APBA1: variants seen among roughly 807,000 people sequenced by gnomAD.
APBA1 encodes amyloid beta precursor protein binding family A member 1, also known as amyloid-beta A4 precursor protein-binding family A member 1.
A neutral mutation model predicts 86.6 loss-of-function variants in APBA1; 55 were observed. The ratio of observed to expected loss-of-function variants is 0.64; its 90% CI spans 0.51 to 0.80. APBA1 has a LOEUF of 0.80. Among genes scored for constraint, APBA1 ranks in the 30% least tolerant of loss-of-function variants. The pLI is 0.00. For synonymous variants in APBA1, 511 were observed against 493.9 expected (o/e 1.03, Z -0.46); for missense variants, 1,090 against 1,183.0 (o/e 0.92, Z 1.15).
At chr9:69,545,538 A>T (rs1250857134) in intron 1 of APBA1, among the ~76,000 whole-genome samples, 1 of 152,230 alleles carries the variant, frequency 6.6e-6, no homozygotes, top group East Asian at 1.9e-4. Context: ...ACACCTGCTA[A>T]CTCACGGAAG....
At chr9:69,635,627 A>G (rs1301707237) in intron 1 of APBA1, among the ~76,000 whole-genome samples, 2 of 152,174 alleles carry the variant, frequency 1.3e-5, no homozygotes, top group East Asian at 3.8e-4. Context: ...AAACACACAC[A>G]GACTGAAAAT....
chr9:69,566,520 C>T (rs1326320450), intron 1 of APBA1, among the ~76,000 whole-genome samples: 1 of 152,166 alleles, frequency 6.6e-6, no homozygotes, highest in African/African-American at 2.4e-5. Context: ...GATAGTGACT[C>T]TTACAAATAT....
intron 1 of APBA1, among the ~76,000 whole-genome samples, chr9:69,544,134 A>T (rs1289405316): frequency 1.3e-5 from 2 of 152,212 alleles, no homozygotes; most frequent in Non-Finnish European, 2.9e-5. Flanking sequence ...CTGAATTTAA[A>T]CTTTCCTTCC....
At chr9:69,662,227 C>T (rs1823767346) in intron 1 of APBA1, among the ~76,000 whole-genome samples, 1 of 152,112 alleles carries the variant, frequency 6.6e-6, no homozygotes, top group Non-Finnish European at 1.5e-5. Flanking sequence ...TGTTTTGTAG[C>T]CACTGAGGAA....
chr9:69,513,716 T>C (rs1399678457), intron 2 of APBA1, among the ~76,000 whole-genome samples: 2 of 152,220 alleles, frequency 1.3e-5, no homozygotes, highest in Non-Finnish European at 2.9e-5. Context: ...TTCCCTTCCC[T>C]ACTGGTTTCC....
intron 1 of APBA1, among the ~76,000 whole-genome samples, chr9:69,529,964 T>A (rs530053122): frequency 2.0e-5 from 3 of 151,924 alleles, no homozygotes; most frequent in Non-Finnish European, 4.4e-5. Flanking sequence ...TTAATCATCA[T>A]CTTATACCAA....
chr9:69,606,643 C>T (rs1822480688), intron 1 of APBA1, among the ~76,000 whole-genome samples: 1 of 151,906 alleles, frequency 6.6e-6, no homozygotes, highest in Admixed American at 6.6e-5. Flanking sequence ...AGGCGCCCAC[C>T]ACCACGCCCG....
chr9:69,491,737 CAT>C (rs1341533879), intron 2 of APBA1, among the ~76,000 whole-genome samples: 1 of 151,096 alleles, frequency 6.6e-6, no homozygotes, highest in Non-Finnish European at 1.5e-5. Context: ...CAGTTACATA[CAT>C]AGTTACATTT....
intron 1 of APBA1, among the ~76,000 whole-genome samples, chr9:69,612,852 C>T (rs1822616879): frequency 6.6e-6 from 1 of 151,830 alleles, no homozygotes; most frequent in Admixed American, 6.6e-5. Flanking sequence ...TAGAAATGAA[C>T]CAGTAAGCAG....
At chr9:69,557,074 T>G (rs1319527318) in intron 1 of APBA1, among the ~76,000 whole-genome samples, 2 of 152,174 alleles carry the variant, frequency 1.3e-5, no homozygotes, top group South Asian at 4.1e-4. Flanking sequence ...GATGAACAAA[T>G]TAGGAGGCTA....
At chr9:69,456,711 A>G (rs1835104150) in intron 7 of APBA1, among the ~76,000 whole-genome samples, 1 of 151,024 alleles carries the variant, frequency 6.6e-6, no homozygotes, top group African/African-American at 2.4e-5. Flanking sequence ...AAAAAAGACA[A>G]ATCAAAATGG....
intron 1 of APBA1, among the ~76,000 whole-genome samples, chr9:69,618,194 A>G (rs1822742882): frequency 6.6e-6 from 1 of 152,206 alleles, no homozygotes; most frequent in African/African-American, 2.4e-5. Flanking sequence ...AACACAGCTC[A>G]GGCACTCTGG....
intron 1 of APBA1, among the ~76,000 whole-genome samples, chr9:69,669,387 A>AC (rs1823904172): frequency 6.6e-6 from 1 of 152,150 alleles, no homozygotes; most frequent in Non-Finnish European, 1.5e-5. Flanking sequence ...AACAACAACA[A>AC]AAAACCTTAA....
At chr9:69,456,682 T>C (rs569089636) in intron 7 of APBA1, among the ~76,000 whole-genome samples, 69 of 152,000 alleles carry the variant, frequency 4.5e-4, no homozygotes, top group African/African-American at 1.7e-3. Context: ...TTGAATCTCT[T>C]GTGGAGAAGT....
At chr9:69,456,545 G>T (rs1409229489) in intron 7 of APBA1, 113 bp from the exon 8 acceptor site, 2 of 1,130,448 alleles carry the variant, frequency 1.8e-6, no homozygotes, top group Non-Finnish European at 2.5e-6. Flanking sequence ...TGGGCTCCAG[G>T]GCTCACTGCA....
chr9:69,469,930 A>G (rs1412845841), intron 4 of APBA1, among the ~76,000 whole-genome samples: 2 of 152,230 alleles, frequency 1.3e-5, no homozygotes. Flanking sequence ...AAGAAAACAA[A>G]AATTAACTAC....
At chr9:69,487,712 G>C (rs1053124425) in intron 2 of APBA1, among the ~76,000 whole-genome samples, 1 of 152,060 alleles carries the variant, frequency 6.6e-6, no homozygotes, top group Non-Finnish European at 1.5e-5. Context: ...CCCTTGACAG[G>C]TGATGTCCTG....
At chr9:69,640,752 A>G (rs990887698) in intron 1 of APBA1, among the ~76,000 whole-genome samples, 2 of 152,108 alleles carry the variant, frequency 1.3e-5, no homozygotes, top group Admixed American at 1.3e-4. Context: ...CATAATAAAA[A>G]CTCTCAACAA....
chr9:69,565,941 G>C (rs1837020018), intron 1 of APBA1, among the ~76,000 whole-genome samples: 8 of 152,184 alleles, frequency 5.3e-5, no homozygotes, highest in Admixed American at 5.2e-4. Flanking sequence ...TGAGGAGCAA[G>C]CCCTGACCGT....
Sources: allele counts gnomAD v4.1 joint callset (sites outside exome capture counted in the v4.1 genomes callset), GRCh38; gene constraint gnomAD v4.1.1; transcripts MANE v1.5; gene names NCBI Gene and HGNC (gene_info 2026-07-23, HGNC 2026-07-21).